The following NECAP2 variants were observed in gnomAD, a reference collection of about 807,000 sequenced individuals.
The protein encoded by NECAP2 is NECAP endocytosis associated 2.
Under a neutral mutation model 37.8 loss-of-function variants are expected in NECAP2, and 38 were observed. That is an observed-to-expected ratio of 1.01 (90% CI 0.78 to 1.32). The LOEUF (loss-of-function observed/expected upper bound fraction) is 1.32. NECAP2 is among the 40% of genes most tolerant of loss of function. The pLI is 0.00. For synonymous variants in NECAP2, 121 were observed against 127.7 expected (o/e 0.95, Z 0.35); for missense variants, 316 against 334.5 (o/e 0.94, Z 0.43).
intron 7 of NECAP2, among the ~76,000 whole-genome samples, chr1:16,458,331 T>G (rs1299187491): frequency 6.6e-6 from 1 of 152,030 alleles, no homozygotes; most frequent in Non-Finnish European, 1.5e-5. Flanking sequence ...GCCAGGCATG[T>G]TGGCTCACGC....
chr1:16,445,773 GCA>G (rs912424989), intron 2 of NECAP2, among the ~76,000 whole-genome samples: 3 of 152,146 alleles, frequency 2.0e-5, no homozygotes, highest in African/African-American at 7.2e-5. Flanking sequence ...GCGTGGTGGT[GCA>G]CACCTGTGAT....
chr1:16,449,502 A>G (rs905466365), intron 5 of NECAP2: 3 of 308,248 alleles, frequency 9.7e-6, no homozygotes, highest in African/African-American at 6.5e-5. Flanking sequence ...AGTTGTGGGA[A>G]CCAAGGAAGG....
intron 6 of NECAP2, among the ~76,000 whole-genome samples, chr1:16,452,567 G>A (rs2086861008): frequency 6.6e-6 from 1 of 152,168 alleles, no homozygotes; most frequent in Non-Finnish European, 1.5e-5. Flanking sequence ...GATGGGTACA[G>A]CATAAGGTGT....
Position 16,459,108 on chromosome 1 carries a change from GAGA to G in NECAP2, c.*223_*225del, listed in dbSNP as rs2100975990. ...ATTCAAGTATGCAACCAGAACACAG[GAGA>G]AGAAAAGCTCCAGGATCCCTGTCCC... On this transcript the variant is annotated 3_prime_UTR_variant, in exon 8 of 8. Coordinates refer to ENST00000337132, the MANE Select transcript of NECAP2 (RefSeq NM_018090.5). The G allele has an allele frequency of 9.3e-7, 1 of 1,070,560 alleles. No individual in the cohort carries two copies. The highest frequency in any genetic ancestry group is 1.7e-5 in the South Asian group (1 of 59,314). 66.3% of individuals were successfully genotyped at this position (1,070,560 alleles called of 1,614,324 possible). A position where few individuals can be genotyped will look rare whatever the true frequency, so the allele number is the denominator to read the frequency against.
intron 7 of NECAP2, among the ~76,000 whole-genome samples, chr1:16,457,707 G>GTTTTTTT (rs56863489): frequency 4.7e-5 from 5 of 105,494 alleles, no homozygotes; most frequent in Non-Finnish European, 7.7e-5. Context: ...TAGTAATTCT[G>GTTTTTTT]TTTTTTTTTT....
At chr1:16,441,416 G>A (rs1262492360) in intron 1 of NECAP2, 5 of 152,950 alleles carry the variant, frequency 3.3e-5, no homozygotes, top group Non-Finnish European at 7.3e-5. Context: ...GTCTCTACCT[G>A]AGACGAATAA....
intron 2 of NECAP2, among the ~76,000 whole-genome samples, chr1:16,447,075 A>AG: frequency 6.6e-6 from 1 of 151,786 alleles, no homozygotes; most frequent in East Asian, 1.9e-4. Context: ...AAAAAAAAAA[A>AG]AAAGGTATAA....
intron 6 of NECAP2, among the ~76,000 whole-genome samples, chr1:16,454,580 C>T (rs1344603759): frequency 6.6e-6 from 1 of 152,184 alleles, no homozygotes; most frequent in African/African-American, 2.4e-5. Context: ...TGGTCTCGAA[C>T]TCCTGACCTC....
chr1:16,443,876 C>T (rs575828225), intron 2 of NECAP2, 144 bp downstream of exon 2: 5 of 647,770 alleles, frequency 7.7e-6, no homozygotes, highest in Non-Finnish European at 1.4e-5. Flanking sequence ...TTAAGCTGTA[C>T]CATTCCCCCA....
At chr1:16,450,835 TA>T (rs988927088) in intron 5 of NECAP2, 1 of 152,192 alleles carries the variant, frequency 6.6e-6, no homozygotes, top group Non-Finnish European at 1.5e-5. Flanking sequence ...TAATCCCAGC[TA>T]CTCCGGGGGC....
intron 6 of NECAP2, among the ~76,000 whole-genome samples, chr1:16,454,617 A>T (rs1428578014): frequency 3.3e-5 from 5 of 152,214 alleles, no homozygotes; most frequent in African/African-American, 1.2e-4. Context: ...TCAGCCACCC[A>T]AAGTGCTGGG....
chr1:16,446,561 CTTTCTT>C (rs1212861369), intron 2 of NECAP2, among the ~76,000 whole-genome samples: 1 of 148,108 alleles, frequency 6.8e-6, no homozygotes, highest in Non-Finnish European at 1.5e-5. Flanking sequence ...GACCCTGTTT[CTTTCTT>C]TTTTTTTTTT....
intron 5 of NECAP2, chr1:16,449,985 T>C (rs1036311864): frequency 3.3e-6 from 1 of 305,628 alleles, no homozygotes; most frequent in African/African-American, 2.2e-5. Flanking sequence ...GGATTGGTTT[T>C]TGTTTTTGCT....
At chr1:16,446,283 C>T (rs1181474303) in intron 2 of NECAP2, among the ~76,000 whole-genome samples, 1 of 152,096 alleles carries the variant, frequency 6.6e-6, no homozygotes, top group Non-Finnish European at 1.5e-5. Context: ...ACTTAAAGCA[C>T]CAGCCAGGTG....
intron 6 of NECAP2, among the ~76,000 whole-genome samples, chr1:16,455,361 G>C (rs976395927): frequency 6.6e-6 from 1 of 152,342 alleles, no homozygotes; most frequent in African/African-American, 2.4e-5. Flanking sequence ...GGCACGTAGT[G>C]TTCTCAGCCA....
chr1:16,444,843 G>C (rs1053211128), intron 2 of NECAP2, among the ~76,000 whole-genome samples: 4 of 152,128 alleles, frequency 2.6e-5, no homozygotes, highest in South Asian at 2.1e-4. Context: ...TTTGTTTTTA[G>C]ATGGAGTCTT....
chr1:16,443,759 C>A (rs374647008), intron 2 of NECAP2, 27 bp downstream of exon 2: 3 of 1,562,622 alleles, frequency 1.9e-6, no homozygotes, highest in Non-Finnish European at 8.8e-7. Context: ...CTGCATCAAG[C>A]TGAGGGGCCG....
intron 2 of NECAP2, among the ~76,000 whole-genome samples, chr1:16,444,388 A>AT (rs2086731876): frequency 6.6e-6 from 1 of 152,044 alleles, no homozygotes; most frequent in Non-Finnish European, 1.5e-5. Flanking sequence ...TCGGTCATTT[A>AT]TTTTTTCTAA....
Position 16,450,016 on chromosome 1 carries a change from G to T in NECAP2, c.489+815G>T, listed in dbSNP as rs576659594. 486 of 348,818 alleles carry T rather than the reference G, an allele frequency of 1.4e-3. 1 individual carries two copies. The highest frequency in any genetic ancestry group is 1.7e-3 in the Non-Finnish European group (294 of 175,374). 21.6% of individuals were successfully genotyped at this position (348,818 alleles called of 1,614,324 possible). On this transcript the variant is annotated intron_variant, in intron 5 of 7. Transcript: ENST00000337132. ...TTGCTAGGAATACTGTGTTGAGATG[G>T]ATTTGTTTTTTCAAGAAGCTTTGTA... is the stretch of plus-strand genomic sequence containing the variant.
Sources: allele counts gnomAD v4.1 joint callset (sites outside exome capture counted in the v4.1 genomes callset), GRCh38; gene constraint gnomAD v4.1.1; transcripts MANE v1.5; gene names NCBI Gene and HGNC (gene_info 2026-07-23, HGNC 2026-07-21).